Variants in N4BP1 observed in about 807,000 individuals in gnomAD.
The protein encoded by N4BP1 is NEDD4-binding protein 1.
A neutral mutation model predicts 70.9 loss-of-function variants in N4BP1; 21 were observed. That is an observed-to-expected ratio of 0.30 (90% CI 0.21 to 0.43). The LOEUF (loss-of-function observed/expected upper bound fraction) is 0.43, where lower values mean the gene tolerates loss of function less well. Among genes scored for constraint, N4BP1 ranks in the 20% least tolerant of loss-of-function variants. The pLI, the probability that N4BP1 is intolerant of heterozygous loss-of-function variation, is 1.00. For missense variants in N4BP1, 936 were observed against 1,069.4 expected (o/e 0.88, Z 1.74); for synonymous variants, 387 against 394.6 (o/e 0.98, Z 0.23).
chr16:48,601,722 C>A (rs1258052271), intron 1 of N4BP1, among the ~76,000 whole-genome samples: 1 of 151,640 alleles, frequency 6.6e-6, no homozygotes, highest in South Asian at 2.1e-4. Flanking sequence ...TTTTTTTGGT[C>A]TTTAAGAGAC....
intron 1 of N4BP1, among the ~76,000 whole-genome samples, chr16:48,598,174 T>C (rs141251686): frequency 6.3e-4 from 96 of 152,368 alleles, no homozygotes; most frequent in African/African-American, 2.0e-3. Context: ...CTTTTAAGAA[T>C]TGCTTAAGAT....
chr16:48,585,475 TA>T (rs993681848), intron 1 of N4BP1, among the ~76,000 whole-genome samples: 8 of 147,256 alleles, frequency 5.4e-5, no homozygotes, highest in East Asian at 2.0e-4. Context: ...TGTCTCTATT[TA>T]AAAAAAAAAT....
At chr16:48,607,357 G>T (rs1964599047) in intron 1 of N4BP1, among the ~76,000 whole-genome samples, 2 of 152,206 alleles carry the variant, frequency 1.3e-5, no homozygotes, top group Admixed American at 1.3e-4. Flanking sequence ...CAAAGGCAGA[G>T]ACTACTACAG....
At chr16:48,609,441 GACA>G (rs1231941607) in intron 1 of N4BP1, among the ~76,000 whole-genome samples, 2 of 152,126 alleles carry the variant, frequency 1.3e-5, no homozygotes, top group East Asian at 3.9e-4. Context: ...CCGGGGAACT[GACA>G]ACAACAGGCG....
At chr16:48,598,201 T>C (rs1400940345) in intron 1 of N4BP1, among the ~76,000 whole-genome samples, 1 of 152,228 alleles carries the variant, frequency 6.6e-6, no homozygotes, top group Non-Finnish European at 1.5e-5. Context: ...CTTAGGAAAT[T>C]GGTAAGTGCT....
chr16:48,560,709 TA>T lies in N4BP1; in HGVS notation c.1889+44del, dbSNP rs1458752391. 2.6e-6 allele frequency: 4 copies of T among 1,549,544 alleles called. No homozygotes were observed. In the African/African-American group the frequency reaches 5.5e-5, roughly 21 times the overall value. On this transcript the variant is annotated intron_variant, in intron 2 of 6. Transcript: ENST00000262384. ...ATACATGTGATTCTGAGACACCATTTAGAGCCCTATTTAAAATAAAATAATC... is the reference window on the plus strand; with the variant it reads ...ATACATGTGATTCTGAGACACCATTTGAGCCCTATTTAAAATAAAATAATC...
chr16:48,599,959 G>A lies in N4BP1; in HGVS notation c.198+9816C>T, dbSNP rs1438535082. On this transcript the variant is annotated intron_variant, in intron 1 of 6. Coordinates refer to ENST00000262384, the MANE Select transcript of N4BP1 (RefSeq NM_153029.4). ...TTAAATGAAAGAAAACCCTTATTTT[G>A]TATAGGTTTCTATTATTGCAGGCAA... Among the ~76,000 whole-genome samples, 5 of 152,136 alleles carry A rather than the reference G, an allele frequency of 3.3e-5. No individual in the cohort carries two copies. The East Asian group carries it at 7.7e-4, about 23-fold the overall frequency.
chr16:48,607,311 A>T (rs761503249), intron 1 of N4BP1, among the ~76,000 whole-genome samples: 1 of 152,220 alleles, frequency 6.6e-6, no homozygotes, highest in African/African-American at 2.4e-5. Context: ...ATGAGTCTTG[A>T]GCAAAAGCAG....
chr16:48,548,164 A>G, intron 4 of N4BP1, 50 bp from the exon 5 acceptor site: 1 of 1,030,088 alleles, frequency 9.7e-7, no homozygotes, highest in South Asian at 1.3e-5. Flanking sequence ...TCCTTGGCTC[A>G]GAGAAGCCAT....
intron 1 of N4BP1, among the ~76,000 whole-genome samples, chr16:48,579,926 C>T (rs992058095): frequency 1.3e-5 from 2 of 150,362 alleles, no homozygotes; most frequent in South Asian, 2.1e-4. Flanking sequence ...ACTATACATA[C>T]ATATATATAT....
chr16:48,594,254 C>T (rs1004315749), intron 1 of N4BP1, among the ~76,000 whole-genome samples: 3 of 152,150 alleles, frequency 2.0e-5, no homozygotes, highest in Admixed American at 6.5e-5. Flanking sequence ...AGCTGAGTCT[C>T]CTTTCTACCA....
rs750684263 is a variant in N4BP1 at position 48,553,605 on chromosome 16, G to A, written c.1954C>T (p.Leu652Phe). The A allele has an allele frequency of 2.5e-6, 4 of 1,605,582 alleles. No homozygotes were observed. Among genetic ancestry groups the A allele is most frequent in the Admixed American group, 3.4e-5 (2 of 58,528 alleles). Residue 652 changes from leucine to phenylalanine, a missense_variant, in exon 3 of 7, where the codon CTT becomes TTT. Transcript: ENST00000262384. ...AATACAGTGATGTTTCTGTTGCCAAGCTTCCAAAAATATTCAACTGCAATT... is the reference window on the plus strand; with the variant it reads ...AATACAGTGATGTTTCTGTTGCCAAACTTCCAAAAATATTCAACTGCAATT... ...IAIAVEYFWK[L>F]GNRNITVFVP...
At chr16:48,564,735 G>A (rs1018174621) in intron 1 of N4BP1, among the ~76,000 whole-genome samples, 1 of 152,162 alleles carries the variant, frequency 6.6e-6, no homozygotes, top group African/African-American at 2.4e-5. Flanking sequence ...TGACAATTAT[G>A]TGTCAGCAAG....
intron 1 of N4BP1, among the ~76,000 whole-genome samples, chr16:48,572,656 T>A (rs1964035155): frequency 6.6e-6 from 1 of 151,990 alleles, no homozygotes. Context: ...CAACTAGAAG[T>A]CCAAACATCA....
intron 1 of N4BP1, 35 bp from the exon 2 acceptor site, chr16:48,562,479 CA>C: frequency 2.6e-6 from 4 of 1,530,052 alleles, no homozygotes; most frequent in Non-Finnish European, 1.8e-6. Context: ...GGTCAATTTA[CA>C]AAAGTTCCTT....
chr16:48,594,973 C>T (rs1396685914), intron 1 of N4BP1, among the ~76,000 whole-genome samples: 1 of 152,094 alleles, frequency 6.6e-6, no homozygotes, highest in Non-Finnish European at 1.5e-5. Context: ...AAAACTTTGA[C>T]AGGTGCTCCT....
At chr16:48,546,099 G>C in intron 6 of N4BP1, 48 bp downstream of exon 6, 1 of 1,256,616 alleles carries the variant, frequency 8.0e-7, no homozygotes, top group South Asian at 1.3e-5. Context: ...AAAGCACAAA[G>C]AATTGAAATA....
At chr16:48,563,371 A>T (rs1022755443) in intron 1 of N4BP1, among the ~76,000 whole-genome samples, 11 of 151,932 alleles carry the variant, frequency 7.2e-5, no homozygotes, top group South Asian at 4.1e-4. Context: ...AAAATTTTTT[A>T]AATTTTTAAT....
intron 2 of N4BP1, 85 bp downstream of exon 2, chr16:48,560,669 A>G: frequency 6.8e-7 from 1 of 1,467,124 alleles, no homozygotes. Context: ...TACAACATGT[A>G]TGTATAGTTC....
Sources: allele counts gnomAD v4.1 joint callset (sites outside exome capture counted in the v4.1 genomes callset), GRCh38; gene constraint gnomAD v4.1.1; transcripts MANE v1.5; gene names NCBI Gene and HGNC (gene_info 2026-07-23, HGNC 2026-07-21).